Variants in TEX2 observed in about 807,000 individuals in gnomAD.
TEX2 encodes the protein testis-expressed protein 2.
A neutral mutation model predicts 106.9 loss-of-function variants in TEX2; 53 were observed. The observed-to-expected ratio is 0.50, with a 90% confidence interval of 0.40 to 0.62. The LOEUF (loss-of-function observed/expected upper bound fraction) is 0.62, where lower values mean the gene tolerates loss of function less well. Among genes scored for constraint, TEX2 ranks in the 20% least tolerant of loss-of-function variants. The pLI, the probability that TEX2 is intolerant of heterozygous loss-of-function variation, is 0.00. For missense variants in TEX2, 1,207 were observed against 1,379.0 expected, an observed-to-expected ratio of 0.88 and a Z score of 1.98; for synonymous variants, 523 against 534.8, an observed-to-expected ratio of 0.98 and a Z score of 0.30.
chr17:64,197,881 A>G (rs1158144898), intron 2 of TEX2, among the ~76,000 whole-genome samples: 1 of 152,158 alleles, frequency 6.6e-6, no homozygotes, highest in Non-Finnish European at 1.5e-5. Flanking sequence ...AGCTTTTAAT[A>G]CTATTAATTT....
rs544978396 is a variant in TEX2, at chr17:64,217,867, G to A, written c.-25-3625C>T. Among the ~76,000 whole-genome samples, 7 of 152,316 alleles carry A rather than the reference G, an allele frequency of 4.6e-5. No homozygotes were observed. Among genetic ancestry groups the A allele is most frequent in the African/African-American group, 1.7e-4 (7 of 41,570 alleles). Reference sequence around the variant, plus strand: ...AGAGCTGTAGCTCATGTTGTCGCCAGGCTCCCATAGGTATGATTTCGTGCT... The same window carrying A: ...AGAGCTGTAGCTCATGTTGTCGCCAAGCTCCCATAGGTATGATTTCGTGCT... On this transcript the variant is annotated intron_variant, in intron 1 of 11. Coordinates refer to ENST00000584379, the MANE Select transcript of TEX2 (RefSeq NM_001288732.2). The surrounding 1 kb of genome is among the most constrained non-coding windows in gnomAD (Gnocchi z 4.3).
rs560453921 is a variant in TEX2 at position 64,175,277 on chromosome 17, G to C, written c.2571+2048C>G. ...ACTTCACAGTGCAGCAGATCAGGAG[G>C]CGGGTGGAGGGTATGGATGGAACAC... is the stretch of plus-strand genomic sequence containing the variant. On this transcript the variant is annotated intron_variant, in intron 6 of 11. Coordinates refer to ENST00000584379, the MANE Select transcript of TEX2 (RefSeq NM_001288732.2). Among the ~76,000 whole-genome samples, 10 of 152,328 alleles carry C rather than the reference G, an allele frequency of 6.6e-5. No homozygotes were observed. In the South Asian group the frequency reaches 2.1e-3, roughly 32 times the overall value.
chr17:64,247,698 A>C (rs2034016689), intron 1 of TEX2, among the ~76,000 whole-genome samples: 1 of 152,188 alleles, frequency 6.6e-6, no homozygotes, highest in African/African-American at 2.4e-5. Context: ...CTGGCTTTAG[A>C]GCTTTTTAGA....
chr17:64,216,711 G>A (rs1161343504), intron 1 of TEX2, among the ~76,000 whole-genome samples: 1 of 152,218 alleles, frequency 6.6e-6, no homozygotes, highest in African/African-American at 2.4e-5. Context: ...GGAACAAAAA[G>A]CTGGCACCTG....
At position 64,190,395 on chromosome 17, in the gene TEX2, GA is replaced by G. The variant is rs961687430; in HGVS notation, c.2177-1981del. 2.2e-4 allele frequency among the ~76,000 whole-genome samples: 33 copies of G among 152,002 alleles called. 1 individual carries two copies. ...ACAGTTTAGTTAATAGTAAAAAAGA[GA>G]AAAAAAGATGAAATAAACAGGGCAG... On this transcript the variant is annotated intron_variant, in intron 4 of 11. Transcript: ENST00000584379.
chr17:64,223,079 T>C (rs1555633458), intron 1 of TEX2, among the ~76,000 whole-genome samples: 1 of 152,172 alleles, frequency 6.6e-6, no homozygotes, highest in Non-Finnish European at 1.5e-5. Flanking sequence ...CTATCTAGTT[T>C]ACAAATTAGT....
At position 64,153,165 on chromosome 17, in the gene TEX2, G is replaced by A. The variant is rs2030445698; in HGVS notation, c.2931-11C>T. ...TGACCTCCAACGTACCTTCAAATGT[G>A]GAACACAAAGGGCGGTTAGCACAAA... is the stretch of plus-strand genomic sequence containing the variant. On this transcript the variant is annotated splice_polypyrimidine_tract_variant and intron_variant, in intron 9 of 11. Coordinates refer to ENST00000584379, the MANE Select transcript of TEX2 (RefSeq NM_001288732.2). This position sits in a 1 kb window ranked among gnomAD's most constrained non-coding sequence, Gnocchi z 4.1. 3 of 1,599,810 alleles carry A rather than the reference G, an allele frequency of 1.9e-6. No individual in the cohort carries two copies. The highest frequency in any genetic ancestry group is 1.1e-5 in the South Asian group (1 of 90,328).
chr17:64,236,505 C>T (rs1430195514), intron 1 of TEX2, among the ~76,000 whole-genome samples: 1 of 152,090 alleles, frequency 6.6e-6, no homozygotes, highest in Non-Finnish European at 1.5e-5. Context: ...ACACTGCACT[C>T]CAGCCTGAGC....
chr17:64,224,489 T>C (rs913942047), intron 1 of TEX2, among the ~76,000 whole-genome samples: 1 of 152,158 alleles, frequency 6.6e-6, no homozygotes, highest in Non-Finnish European at 1.5e-5. Flanking sequence ...CAATATGACA[T>C]TGTAGATAAT....
At chr17:64,152,873 TA>T in intron 10 of TEX2, 71 bp downstream of exon 10, 1 of 1,498,500 alleles carries the variant, frequency 6.7e-7, no homozygotes, top group South Asian at 1.2e-5. Context: ...ACCTCAAGGT[TA>T]AGCAGGCTGG....
chr17:64,189,849 G>A (rs2032227950), intron 4 of TEX2, among the ~76,000 whole-genome samples: 1 of 151,910 alleles, frequency 6.6e-6, no homozygotes. Context: ...CTGGCATGGT[G>A]GCCTGTACCT....
chr17:64,227,346 C>T (rs2033535787), intron 1 of TEX2, among the ~76,000 whole-genome samples: 1 of 151,926 alleles, frequency 6.6e-6, no homozygotes, highest in African/African-American at 2.4e-5. Context: ...ACTCATCAAG[C>T]TGACACCAAT....
chr17:64,151,352 A>G (rs1311902853), intron 10 of TEX2, among the ~76,000 whole-genome samples: 1 of 152,218 alleles, frequency 6.6e-6, no homozygotes, highest in Non-Finnish European at 1.5e-5. Context: ...AGAGAGTGAA[A>G]GACACACTGC....
chr17:64,238,198 G>A (rs1397572897), intron 1 of TEX2, among the ~76,000 whole-genome samples: 1 of 152,122 alleles, frequency 6.6e-6, no homozygotes, highest in African/African-American at 2.4e-5. Flanking sequence ...TACTCAGGAA[G>A]CTGAGGCAAG....
At chr17:64,198,705 T>C (rs546808670) in intron 2 of TEX2, among the ~76,000 whole-genome samples, 114 of 152,316 alleles carry the variant, frequency 7.5e-4, no homozygotes, top group Non-Finnish European at 1.3e-3. Context: ...TTTTGAATTA[T>C]GATAATCACA....
chr17:64,229,443 T>C (rs1259072099), intron 1 of TEX2, among the ~76,000 whole-genome samples: 1 of 152,228 alleles, frequency 6.6e-6, no homozygotes, highest in Non-Finnish European at 1.5e-5. Flanking sequence ...ACTTTGTCTA[T>C]TGTATGTGTT....
intron 1 of TEX2, among the ~76,000 whole-genome samples, chr17:64,218,214 C>CCA (rs2033242928): frequency 1.3e-5 from 2 of 151,890 alleles, no homozygotes; most frequent in Non-Finnish European, 2.9e-5. Context: ...GCACTGCACC[C>CCA]CAGCGTGGGT....
intron 2 of TEX2, among the ~76,000 whole-genome samples, chr17:64,197,102 G>GT (rs1184832203): frequency 7.0e-6 from 1 of 142,950 alleles, no homozygotes; most frequent in Non-Finnish European, 1.5e-5. Flanking sequence ...TTCTTGCAGT[G>GT]TTTTTTGGTA....
chr17:64,207,735 T>G (rs1555630941), intron 2 of TEX2, among the ~76,000 whole-genome samples: 2 of 151,888 alleles, frequency 1.3e-5, no homozygotes, highest in South Asian at 4.2e-4. Context: ...TTTGCCTTTT[T>G]TTTTTCTTTT....
Sources: gnomAD v4.1 joint callset for allele counts (sites outside exome capture counted in the v4.1 genomes callset) on GRCh38, gnomAD v4.1.1 for gene constraint, Gnocchi (gnomAD v3.1) non-coding constraint, MANE v1.5 for transcripts, NCBI Gene and HGNC (gene_info 2026-07-23, HGNC 2026-07-21) for gene names.